CRIPTO: variants seen among roughly 807,000 people sequenced by gnomAD.
The protein encoded by CRIPTO is cripto, EGF-CFC family member.
the CRIPTO span, chr3:46,579,206 C>T: frequency 8.7e-6 from 14 of 1,614,040 alleles, no homozygotes; most frequent in Non-Finnish European, 1.2e-5. Context: ...AAAATACAGA[C>T]TCCATGAATT....
chr3:46,579,338 G>A, the CRIPTO span: 130 of 1,613,950 alleles, frequency 8.1e-5, 2 homozygotes, highest in Middle Eastern at 3.3e-4. Context: ...GGTCTTCCCA[G>A]CGTGTGCCGC....
the CRIPTO span, chr3:46,579,596 A>G: frequency 1.7e-6 from 2 of 1,164,504 alleles, no homozygotes; most frequent in Admixed American, 1.8e-5. Flanking sequence ...CCACTGGCCT[A>G]TGCATGAAAA....
chr3:46,579,907 G>A, the CRIPTO span: 2 of 1,614,176 alleles, frequency 1.2e-6, no homozygotes, highest in East Asian at 4.5e-5. Context: ...AAGGGAAGTG[G>A]AAATTTCAGA....
chr3:46,579,322 G>C, the CRIPTO span: 2 of 1,613,854 alleles, frequency 1.2e-6, no homozygotes, highest in Non-Finnish European at 1.7e-6. Flanking sequence ...CCTGCAATTC[G>C]GCCTCGGTCT....
the CRIPTO span, chr3:46,577,903 C>T: frequency 6.6e-7 from 1 of 1,510,946 alleles, no homozygotes; most frequent in African/African-American, 1.4e-5. Flanking sequence ...TTTCCTTTGG[C>T]TGTTTTGGCA....
At chr3:46,581,187 G>A in the CRIPTO span, 127 of 1,614,146 alleles carry the variant, frequency 7.9e-5, no homozygotes, top group South Asian at 9.8e-4. Flanking sequence ...AACTACCACC[G>A]TCTGCACGTA....
chr3:46,579,673 G>A, the CRIPTO span: 4,197 of 1,528,694 alleles, frequency 2.7e-3, 10 homozygotes, highest in Non-Finnish European at 3.6e-3. Context: ...ATTAACCTTC[G>A]CTTACAGGAA....
At chr3:46,581,747 G>C in the CRIPTO span, 7 of 356,952 alleles carry the variant, frequency 2.0e-5, no homozygotes, top group Non-Finnish European at 3.0e-5. Context: ...TCCTGACCTT[G>C]TGATCCACTC....
the CRIPTO span, chr3:46,578,022 A>C: frequency 6.2e-7 from 1 of 1,613,958 alleles, no homozygotes. Context: ...CTAATCTTGA[A>C]TGTGAACTTT....
chr3:46,580,990 C>A, the CRIPTO span: 1 of 706,038 alleles, frequency 1.4e-6, no homozygotes, highest in Non-Finnish European at 2.6e-6. Context: ...CAAGTGAAGG[C>A]ATCACCACTG....
chr3:46,578,366 C>CAA, the CRIPTO span, among the ~76,000 whole-genome samples: 189 of 138,244 alleles, frequency 1.4e-3, no homozygotes, highest in African/African-American at 4.8e-3. Context: ...AAGATAATAG[C>CAA]AAAAAAAAAA....
At chr3:46,579,845 G>C in the CRIPTO span, 7 of 1,614,158 alleles carry the variant, frequency 4.3e-6, no homozygotes, top group Non-Finnish European at 5.9e-6. Flanking sequence ...AGCACGATGT[G>C]CGCAAAGAGT....
the CRIPTO span, among the ~76,000 whole-genome samples, chr3:46,578,310 G>T: frequency 7.0e-6 from 1 of 143,134 alleles, no homozygotes. Context: ...AAAATCTTCC[G>T]AAAAGATTAA....
At chr3:46,579,694 A>C in the CRIPTO span, 1 of 1,598,492 alleles carries the variant, frequency 6.3e-7, no homozygotes, top group Non-Finnish European at 8.6e-7. Flanking sequence ...TTGCCCTTGC[A>C]CTTTTCCATC....
At chr3:46,580,040 A>G in the CRIPTO span, 7 of 1,614,094 alleles carry the variant, frequency 4.3e-6, no homozygotes, top group African/African-American at 1.3e-5. Flanking sequence ...TGCTTTCCTC[A>G]GGCATTTCTA....
At chr3:46,577,788 A>G in the CRIPTO span, 4 of 705,110 alleles carry the variant, frequency 5.7e-6, no homozygotes, top group Admixed American at 6.4e-5. Flanking sequence ...AAAGCCCTCC[A>G]GTTTCCCCTG....
the CRIPTO span, chr3:46,577,339 A>T: frequency 6.5e-6 from 1 of 154,680 alleles, no homozygotes; most frequent in African/African-American, 2.4e-5. Flanking sequence ...CCCCAGGGGG[A>T]GTACGGGGCT....
chr3:46,578,008 T>C, the CRIPTO span: 6 of 1,614,124 alleles, frequency 3.7e-6, no homozygotes, highest in Non-Finnish European at 5.1e-6. Flanking sequence ...CTTACAGGTA[T>C]GAGCTAATCT....
At chr3:46,574,884 C>A in the CRIPTO span, among the ~76,000 whole-genome samples, 2 of 152,178 alleles carry the variant, frequency 1.3e-5, no homozygotes, top group Admixed American at 1.3e-4. Flanking sequence ...GATTTTTAAA[C>A]ACAATTCTGC....
Sources: allele counts gnomAD v4.1 joint callset (sites outside exome capture counted in the v4.1 genomes callset), GRCh38; gene constraint gnomAD v4.1.1; transcripts MANE v1.5; gene names NCBI Gene and HGNC (gene_info 2026-07-23, HGNC 2026-07-21).